The following PLCB1 variants were observed in gnomAD, a reference collection of about 807,000 sequenced individuals.
PLCB1 encodes phospholipase C beta 1.
PLCB1 carries 46 observed loss-of-function variants against 161.8 expected under a neutral mutation model. The observed-to-expected ratio is 0.28, with a 90% CI of 0.22 to 0.36. PLCB1 has a LOEUF of 0.36. Among genes scored for constraint, PLCB1 ranks in the 10% least tolerant of loss-of-function variants. PLCB1 has a pLI of 1.00. For synonymous variants in PLCB1, 517 were observed against 503.7 expected (o/e 1.03, Z -0.35); for missense variants, 1,016 against 1,472.5 (o/e 0.69, Z 5.07).
At chr20:8,630,076 C>G (rs1224318374) in intron 4 of PLCB1, among the ~76,000 whole-genome samples, 1 of 129,518 alleles carries the variant, frequency 7.7e-6, no homozygotes, top group Non-Finnish European at 1.6e-5. Flanking sequence ...TTCTCTCTCT[C>G]TCTTTCTTGT....
At chr20:8,214,226 C>A (rs1472367112) in intron 2 of PLCB1, among the ~76,000 whole-genome samples, 1 of 152,050 alleles carries the variant, frequency 6.6e-6, no homozygotes, top group Non-Finnish European at 1.5e-5. Context: ...GCACAAATCT[C>A]CTGTTGAACT....
At chr20:8,448,396 A>T (rs1474231831) in intron 3 of PLCB1, among the ~76,000 whole-genome samples, 1 of 152,076 alleles carries the variant, frequency 6.6e-6, no homozygotes, top group African/African-American at 2.4e-5. Flanking sequence ...CATGTTTTTG[A>T]TGGGAGCAGA....
intron 11 of PLCB1, among the ~76,000 whole-genome samples, chr20:8,707,475 T>C (rs1212228017): frequency 6.6e-6 from 1 of 152,220 alleles, no homozygotes; most frequent in Non-Finnish European, 1.5e-5. Context: ...TGCACTTTAC[T>C]ACCAGTTAAA....
At chr20:8,262,763 A>G (rs1981768589) in intron 2 of PLCB1, among the ~76,000 whole-genome samples, 1 of 152,196 alleles carries the variant, frequency 6.6e-6, no homozygotes, top group African/African-American at 2.4e-5. Flanking sequence ...AAGTGCCAAC[A>G]GATTTGGTTC....
chr20:8,390,838 A>G (rs1217985337), intron 3 of PLCB1, among the ~76,000 whole-genome samples: 2 of 152,024 alleles, frequency 1.3e-5, no homozygotes, highest in African/African-American at 2.4e-5. Context: ...CACAACACCA[A>G]TAACAAGCTG....
intron 2 of PLCB1, among the ~76,000 whole-genome samples, chr20:8,216,403 A>G (rs1206500286): frequency 6.6e-6 from 1 of 152,152 alleles, no homozygotes; most frequent in Non-Finnish European, 1.5e-5. Flanking sequence ...ACAAACCTCA[A>G]TCTGAAACCA....
At chr20:8,618,105 C>A (rs1350461445) in intron 3 of PLCB1, among the ~76,000 whole-genome samples, 2 of 151,802 alleles carry the variant, frequency 1.3e-5, no homozygotes, top group East Asian at 3.9e-4. Flanking sequence ...TCCCAGTTTT[C>A]AAAGGATTTT....
At chr20:8,317,714 C>T (rs1217945645) in intron 2 of PLCB1, among the ~76,000 whole-genome samples, 1 of 152,184 alleles carries the variant, frequency 6.6e-6, no homozygotes, top group South Asian at 2.1e-4. Flanking sequence ...GTGGGAGGAT[C>T]AACAGCCTCT....
At chr20:8,745,014 T>C (rs1221057103) in intron 23 of PLCB1, among the ~76,000 whole-genome samples, 2 of 152,308 alleles carry the variant, frequency 1.3e-5, no homozygotes, top group East Asian at 3.9e-4. Context: ...ATAATATTGT[T>C]TAAATTTGGA....
chr20:8,629,970 CTTTCTTTCTTTCTTTCTTTCTTTCT>C (rs1988520248), intron 4 of PLCB1, among the ~76,000 whole-genome samples: 2 of 21,318 alleles, frequency 9.4e-5, no homozygotes, highest in African/African-American at 2.7e-4. Context: ...TTTCTTCTTT[CTTTCTTTCTTTCTTTCTTTCTTTCT>C]TTCTTTCTTT....
intron 3 of PLCB1, among the ~76,000 whole-genome samples, chr20:8,490,200 A>G (rs1248648135): frequency 6.6e-6 from 1 of 152,210 alleles, no homozygotes; most frequent in Admixed American, 6.5e-5. Context: ...TGCTTTGAAC[A>G]ATGAAATACA....
At chr20:8,579,845 A>T (rs576417956) in intron 3 of PLCB1, among the ~76,000 whole-genome samples, 1 of 147,678 alleles carries the variant, frequency 6.8e-6, no homozygotes, top group South Asian at 2.2e-4. Flanking sequence ...AAGCACCAGG[A>T]TCATCAGGAG....
chr20:8,132,921 C>G lies in PLCB1; in HGVS notation c.99+171C>G, dbSNP rs2051307800. 6.6e-6 allele frequency among the ~76,000 whole-genome samples: 1 copy of G among 152,080 alleles called. No homozygotes were observed. Among genetic ancestry groups the G allele is most frequent in the African/African-American group, 2.4e-5 (1 of 41,404 alleles). ...CAAAGCGGATGTCCAAGGGCAGAAG[C>G]TTTGCGCGCGCTCCTGTTTCATCGG... is the stretch of plus-strand genomic sequence containing the variant. On this transcript the variant is annotated intron_variant, in intron 1 of 31. Coordinates refer to ENST00000338037, the MANE Select transcript of PLCB1 (RefSeq NM_015192.4). This position sits in a 1 kb window ranked among gnomAD's most constrained non-coding sequence, Gnocchi z 5.2.
chr20:8,145,408 G>A (rs2051443829), intron 1 of PLCB1, among the ~76,000 whole-genome samples: 1 of 152,182 alleles, frequency 6.6e-6, no homozygotes, highest in Admixed American at 6.5e-5. Context: ...TGGGGATTAG[G>A]ACTTCAACAT....
At chr20:8,780,915 T>G (rs1983186702) in intron 27 of PLCB1, among the ~76,000 whole-genome samples, 1 of 152,234 alleles carries the variant, frequency 6.6e-6, no homozygotes, top group South Asian at 2.1e-4. Flanking sequence ...AATATTGTTT[T>G]TAATGAAAGC....
intron 2 of PLCB1, among the ~76,000 whole-genome samples, chr20:8,222,998 C>A (rs1013886892): frequency 6.6e-6 from 1 of 152,132 alleles, no homozygotes; most frequent in African/African-American, 2.4e-5. Context: ...ACTGCCTGTC[C>A]TAAATTGAAC....
chr20:8,271,995 G>A (rs180844767), intron 2 of PLCB1, among the ~76,000 whole-genome samples: 1 of 152,220 alleles, frequency 6.6e-6, no homozygotes, highest in Admixed American at 6.5e-5. Context: ...ATGTACGTTT[G>A]TGTCATCCTT....
intron 2 of PLCB1, among the ~76,000 whole-genome samples, chr20:8,354,537 C>T (rs1986296841): frequency 6.6e-6 from 1 of 152,274 alleles, no homozygotes; most frequent in South Asian, 2.1e-4. Flanking sequence ...AACCTTACAA[C>T]ACAAGGCAAG....
chr20:8,475,107 A>G (rs1982218556), intron 3 of PLCB1, among the ~76,000 whole-genome samples: 1 of 152,180 alleles, frequency 6.6e-6, no homozygotes, highest in African/African-American at 2.4e-5. Context: ...ATGGGATTGT[A>G]TATTTTCAAT....
Sources: allele counts gnomAD v4.1 joint callset (sites outside exome capture counted in the v4.1 genomes callset), GRCh38; gene constraint gnomAD v4.1.1; non-coding constraint Gnocchi (gnomAD v3.1); transcripts MANE v1.5; gene names NCBI Gene and HGNC (gene_info 2026-07-23, HGNC 2026-07-21).